DYNC2H1: variants seen among roughly 807,000 people sequenced by gnomAD.
DYNC2H1 encodes cytoplasmic dynein 2 heavy chain 1.
Under a neutral mutation model 570.0 loss-of-function variants are expected in DYNC2H1, and 410 were observed. The ratio of observed to expected loss-of-function variants is 0.72; its 90% confidence interval spans 0.66 to 0.78. The LOEUF (loss-of-function observed/expected upper bound fraction) is 0.78. DYNC2H1 is among the 30% of genes least tolerant of loss of function. DYNC2H1 has a pLI of 0.00. For missense variants in DYNC2H1, 4,865 were observed against 5,046.4 expected, an observed-to-expected ratio of 0.96 and a Z score of 1.09; for synonymous variants, 1,688 against 1,677.6, an observed-to-expected ratio of 1.01 and a Z score of -0.15.
intron 82 of DYNC2H1, among the ~76,000 whole-genome samples, chr11:103,329,391 C>G (rs1348091839): frequency 6.8e-6 from 1 of 147,298 alleles, no homozygotes; most frequent in Non-Finnish European, 1.5e-5. Flanking sequence ...AAAATCTTTT[C>G]TAGAATCATC....
chr11:103,154,509 T>G lies in DYNC2H1; in HGVS notation c.3361T>G (p.Ser1121Ala), dbSNP rs772782945. Residue 1121 changes from serine (S) to alanine (A), a missense_variant, in exon 23 of 89, where the codon TCT (serine) becomes GCT (alanine). Ser to Ala is a moderately conservative substitution (Grantham distance 99, BLOSUM62 1). Coordinates refer to ENST00000375735, the MANE Select transcript of DYNC2H1 (RefSeq NM_001377.3). ...TAATTTCTCCCTGGCAAGTAGTATC[T>G]CTAAAGATATCGAGAGCTGTGCCCA... ...EPNFSLASSI[S>A]KDIESCAQIW... 42 of 1,574,020 alleles carry G rather than the reference T, an allele frequency of 2.7e-5. No individual in the cohort carries two copies. Among genetic ancestry groups the G allele is most frequent in the Non-Finnish European group, 3.0e-5 (35 of 1,159,566 alleles).
rs568202877 is a variant in DYNC2H1, at chr11:103,187,382, A to C, written c.6936A>C (p.Gln2312His). The change falls in exon 43 of 89, where the codon CAA (glutamine) becomes CAC (histidine). Residue 2312 changes from glutamine to histidine, a missense_variant. Gln to His is a conservative substitution (Grantham distance 24, BLOSUM62 0). Coordinates refer to ENST00000375735, the MANE Select transcript of DYNC2H1 (RefSeq NM_001377.3). ...RYAFSQLRST[Q>H]IATVHCSAQT... ...CATTTTCACAACTCCGGTCCACTCA[A>C]ATTGCTACAGTTCACTGTAGTGCAC... 1 of 1,613,130 alleles carries C rather than the reference A, an allele frequency of 6.2e-7. No homozygotes were observed. Among genetic ancestry groups the C allele is most frequent in the African/African-American group, 1.3e-5 (1 of 74,962 alleles).
intron 84 of DYNC2H1, among the ~76,000 whole-genome samples, chr11:103,429,354 T>G (rs1464753534): frequency 6.6e-6 from 1 of 152,126 alleles, no homozygotes; most frequent in Non-Finnish European, 1.5e-5. Context: ...ATAAAATAGA[T>G]TCAAAAAATG....
At chr11:103,248,646 A>G (rs1864713822) in intron 65 of DYNC2H1, among the ~76,000 whole-genome samples, 1 of 152,062 alleles carries the variant, frequency 6.6e-6, no homozygotes, top group East Asian at 1.9e-4. Context: ...TCAGACAGAT[A>G]AAATTGTGGA....
rs1221858005 is a variant in DYNC2H1, at chr11:103,163,725, GT to G, written c.4611+581del. Among the ~76,000 whole-genome samples, 3 of 152,106 alleles carry G rather than the reference GT, an allele frequency of 2.0e-5. No individual in the cohort carries two copies. The highest frequency in any genetic ancestry group is 4.4e-5 in the Non-Finnish European group (3 of 68,030). ...AGACTTGTGTTAAACATCCTGCGTT[GT>G]TTAATAGTTGGGCCAGACTGTTACA... On this transcript the variant is annotated intron_variant, in intron 30 of 88. Coordinates refer to ENST00000375735, the MANE Select transcript of DYNC2H1 (RefSeq NM_001377.3). This position sits in a 1 kb window ranked among gnomAD's most constrained non-coding sequence, Gnocchi z 4.6.
At position 103,254,085 on chromosome 11, in the gene DYNC2H1, A is replaced by T. The variant is rs1325291714; in HGVS notation, c.10206+637A>T. Among the ~76,000 whole-genome samples, 1 of 152,140 alleles carries T rather than the reference A, an allele frequency of 6.6e-6. No homozygotes were observed. The highest frequency in any genetic ancestry group is 2.4e-5 in the African/African-American group (1 of 41,444). On this transcript the variant is annotated intron_variant, in intron 66 of 88. Coordinates refer to ENST00000375735, the MANE Select transcript of DYNC2H1 (RefSeq NM_001377.3). This position sits in a 1 kb window ranked among gnomAD's most constrained non-coding sequence, Gnocchi z 4.9. ...TTCATCTTTTGATTTATATGATAGC[A>T]TACATATTTGCTGCAATTTTTACTT...
intron 47 of DYNC2H1, among the ~76,000 whole-genome samples, chr11:103,195,317 G>A (rs1158560753): frequency 6.6e-6 from 1 of 152,148 alleles, no homozygotes; most frequent in East Asian, 1.9e-4. Flanking sequence ...TTGAGTCAGT[G>A]GTCCATTGTG....
At chr11:103,255,996 AATAAC>A in intron 67 of DYNC2H1, 105 bp from the exon 68 acceptor site, 3 of 962,642 alleles carry the variant, frequency 3.1e-6, no homozygotes, top group Non-Finnish European at 4.4e-6. Flanking sequence ...ATTCTTCTAA[AATAAC>A]ATAAGTTGCC....
chr11:103,428,407 G>A (rs1282662506), intron 84 of DYNC2H1, among the ~76,000 whole-genome samples: 20 of 152,064 alleles, frequency 1.3e-4, no homozygotes, highest in Admixed American at 1.3e-3. Flanking sequence ...CTAACATACA[G>A]TGATGGCTAG....
chr11:103,416,608 A>T (rs756365795), intron 84 of DYNC2H1, among the ~76,000 whole-genome samples: 2 of 152,196 alleles, frequency 1.3e-5, no homozygotes, highest in Non-Finnish European at 2.9e-5. Context: ...GGCTAGCCAT[A>T]TACAGAAAAC....
intron 17 of DYNC2H1, among the ~76,000 whole-genome samples, chr11:103,137,226 T>C (rs1565331007): frequency 5.4e-5 from 8 of 149,070 alleles, no homozygotes; most frequent in Non-Finnish European, 1.5e-5. Context: ...AGCTCTTTAG[T>C]TGAATTAGAT....
chr11:103,268,394 G>T lies in DYNC2H1; in HGVS notation c.10695+8417G>T, dbSNP rs1405445935. 6.6e-6 allele frequency among the ~76,000 whole-genome samples: 1 copy of T among 151,546 alleles called. No individual in the cohort carries two copies. Among genetic ancestry groups the T allele is most frequent in the Non-Finnish European group, 1.5e-5 (1 of 67,772 alleles). Reference sequence around the variant, plus strand: ...TTCTTGATATTTTAAATAAGCTTTTGCTTTATATAGAAAAAGTCTATTTTG... The same window carrying T: ...TTCTTGATATTTTAAATAAGCTTTTTCTTTATATAGAAAAAGTCTATTTTG... On this transcript the variant is annotated intron_variant, in intron 70 of 88. Transcript: ENST00000375735. This position sits in a 1 kb window ranked among gnomAD's most constrained non-coding sequence, Gnocchi z 4.6.
At position 103,156,550 on chromosome 11, in the gene DYNC2H1, G is replaced by A. The variant is rs1273373528; in HGVS notation, c.3907G>A (p.Gly1303Arg). 2 of 1,613,632 alleles carry A rather than the reference G, an allele frequency of 1.2e-6. No homozygotes were observed. The highest frequency in any genetic ancestry group is 2.2e-5 in the East Asian group (1 of 44,836). Reference protein sequence around the residue: ...KDWKDIVNQVGDNRCLLQSLK... With the variant: ...KDWKDIVNQVRDNRCLLQSLK... ...CTGGAAAGATATAGTAAATCAGGTT[G>A]GAGATAATAGATGCCTTCTCCAATC... Residue 1303 changes from glycine (G) to arginine (R), a missense_variant, in exon 26 of 89, where the codon GGA becomes AGA. By Grantham distance (125) the Gly-to-Arg change is moderately radical (BLOSUM62 -2). Coordinates refer to ENST00000375735, the MANE Select transcript of DYNC2H1 (RefSeq NM_001377.3).
chr11:103,461,514 A>G lies in DYNC2H1; in HGVS notation c.12648+5158A>G, dbSNP rs1945010310. On this transcript the variant is annotated intron_variant, in intron 87 of 88. Transcript: ENST00000375735. The surrounding 1 kb of genome is among the most constrained non-coding windows in gnomAD (Gnocchi z 4.8). ...TTGAAAACTTGATATTGCAAAATAC[A>G]TAAATCAAGCTCCTGTTCAGCCTAC... is the stretch of plus-strand genomic sequence containing the variant. Among the ~76,000 whole-genome samples, 1 of 152,222 alleles carries G rather than the reference A, an allele frequency of 6.6e-6. No homozygotes were observed. Among genetic ancestry groups the G allele is most frequent in the South Asian group, 2.1e-4 (1 of 4,826 alleles).
At chr11:103,315,732 A>G (rs181848385) in intron 79 of DYNC2H1, among the ~76,000 whole-genome samples, 59 of 151,772 alleles carry the variant, frequency 3.9e-4, no homozygotes, top group Admixed American at 1.5e-3. Context: ...TTATCATTTT[A>G]CAGTTGCATA....
intron 67 of DYNC2H1, among the ~76,000 whole-genome samples, chr11:103,255,819 C>G (rs768777879): frequency 5.9e-5 from 9 of 151,888 alleles, no homozygotes; most frequent in Non-Finnish European, 8.8e-5. Flanking sequence ...GAAATTATAA[C>G]AATCTGTAAC....
At chr11:103,331,844 G>C (rs1477168158) in intron 82 of DYNC2H1, among the ~76,000 whole-genome samples, 1 of 152,094 alleles carries the variant, frequency 6.6e-6, no homozygotes, top group Non-Finnish European at 1.5e-5. Context: ...GGCAGATCAC[G>C]AGGTCAGGAG....
intron 11 of DYNC2H1, among the ~76,000 whole-genome samples, chr11:103,123,718 T>C (rs1159185764): frequency 6.6e-6 from 1 of 152,200 alleles, no homozygotes; most frequent in Non-Finnish European, 1.5e-5. Context: ...GGAGGTTCAC[T>C]AGCATGGTAG....
chr11:103,122,277 T>G (rs978271268), intron 10 of DYNC2H1, among the ~76,000 whole-genome samples: 1 of 152,218 alleles, frequency 6.6e-6, no homozygotes, highest in South Asian at 2.1e-4. Context: ...GTTCGACATT[T>G]CTGCTTATTC....
Sources: gnomAD v4.1 joint callset for allele counts (sites outside exome capture counted in the v4.1 genomes callset) on GRCh38, gnomAD v4.1.1 for gene constraint, Gnocchi (gnomAD v3.1) non-coding constraint, MANE v1.5 for transcripts, NCBI Gene and HGNC (gene_info 2026-07-23, HGNC 2026-07-21) for gene names.